PDZRN4: variants seen among roughly 807,000 people sequenced by gnomAD.
PDZRN4 encodes the protein PDZ domain containing ring finger 4, also known as PDZ domain-containing RING finger protein 4.
A neutral mutation model predicts 99.0 loss-of-function variants in PDZRN4; 70 were observed. The observed-to-expected ratio is 0.71, with a 90% CI of 0.58 to 0.86. PDZRN4 has a LOEUF of 0.86. Among genes scored for constraint, PDZRN4 ranks in the 40% least tolerant of loss-of-function variants. The pLI is 0.00. For missense variants in PDZRN4, 1,474 were observed against 1,331.2 expected, an observed-to-expected ratio of 1.11 and a Z score of -1.67; for synonymous variants, 551 against 501.6, an observed-to-expected ratio of 1.10 and a Z score of -1.32.
chr12:41,330,851 A>G lies in PDZRN4; in HGVS notation c.843+136663A>G, dbSNP rs150874011. Among the ~76,000 whole-genome samples, 97 of 152,238 alleles carry G rather than the reference A, an allele frequency of 6.4e-4. 2 individuals carry two copies. In the East Asian group the frequency reaches 0.016, roughly 25 times the overall value. The stretch of plus-strand genomic sequence containing the variant: ...ATATGCATGACTTTGTATGCATTCA[A>G]TGCAATAATCTTTCAAGAAATCACC... On this transcript the variant is annotated intron_variant, in intron 3 of 9. Transcript: ENST00000402685.
intron 3 of PDZRN4, among the ~76,000 whole-genome samples, chr12:41,464,820 CT>C (rs5797739): frequency 0.035 from 3,709 of 104,750 alleles, 63 homozygotes; most frequent in Middle Eastern, 0.11. Context: ...GCCTGTTGTA[CT>C]TTTTTTTTTT....
Position 41,188,339 on chromosome 12 carries a change from A to T in PDZRN4, c.-117A>T. On this transcript the variant is annotated 5_prime_UTR_variant, in exon 1 of 10. Transcript: ENST00000402685. The stretch of plus-strand genomic sequence containing the variant: ...AGTGAGATCACACCTCCCACCCGCC[A>T]CCTCCCTCCACTGCCGCCGCCGCGA... 2.2e-6 allele frequency: 2 copies of T among 928,652 alleles called. No individual in the cohort carries two copies. The highest frequency in any genetic ancestry group is 3.1e-6 in the Non-Finnish European group (2 of 644,186). 57.5% of individuals were successfully genotyped at this position (928,652 alleles called of 1,614,324 possible). A position where few individuals can be genotyped will look rare whatever the true frequency, so the allele number is the denominator to read the frequency against.
chr12:41,487,281 G>A (rs377252840), intron 3 of PDZRN4, among the ~76,000 whole-genome samples: 72 of 151,546 alleles, frequency 4.8e-4, no homozygotes, highest in South Asian at 2.7e-3. Context: ...TGATGAAAAC[G>A]GAAGGGAAAA....
chr12:41,354,489 A>G (rs1416567804), intron 3 of PDZRN4, among the ~76,000 whole-genome samples: 1 of 148,556 alleles, frequency 6.7e-6, no homozygotes, highest in African/African-American at 2.5e-5. Context: ...TTGGAAAGTG[A>G]AAAAAAAAAG....
chr12:41,218,247 T>G (rs1325615714), intron 3 of PDZRN4, among the ~76,000 whole-genome samples: 1 of 152,150 alleles, frequency 6.6e-6, no homozygotes, highest in Non-Finnish European at 1.5e-5. Flanking sequence ...ATTGCTTTAC[T>G]TCATTTTCAC....
intron 3 of PDZRN4, among the ~76,000 whole-genome samples, chr12:41,240,760 A>T (rs2120781819): frequency 6.6e-6 from 1 of 152,096 alleles, no homozygotes; most frequent in African/African-American, 2.4e-5. Flanking sequence ...GGGCCAGCTA[A>T]CTCTCTGGGA....
chr12:41,200,743 T>G (rs76038626), intron 3 of PDZRN4, among the ~76,000 whole-genome samples: 2,270 of 152,190 alleles, frequency 0.015, 59 homozygotes, highest in African/African-American at 0.052. Context: ...AACATACTGG[T>G]TTTTGCCCTT....
intron 3 of PDZRN4, among the ~76,000 whole-genome samples, chr12:41,422,251 C>T (rs1159390991): frequency 3.3e-5 from 5 of 152,116 alleles, no homozygotes; most frequent in African/African-American, 1.2e-4. Context: ...CTTCATATTA[C>T]TAACTAATAT....
At chr12:41,427,823 C>A (rs776142054) in intron 3 of PDZRN4, among the ~76,000 whole-genome samples, 7 of 152,188 alleles carry the variant, frequency 4.6e-5, no homozygotes, top group Middle Eastern at 3.4e-3. Flanking sequence ...GACCACCTGG[C>A]GCAGACCTGT....
intron 3 of PDZRN4, among the ~76,000 whole-genome samples, chr12:41,439,688 T>C (rs1206704716): frequency 4.6e-5 from 7 of 152,192 alleles, no homozygotes; most frequent in Admixed American, 3.9e-4. Context: ...AGATAAGCCA[T>C]GCTCTTTATT....
At chr12:41,496,932 A>C (rs1057103769) in intron 3 of PDZRN4, among the ~76,000 whole-genome samples, 2 of 152,158 alleles carry the variant, frequency 1.3e-5, no homozygotes, top group African/African-American at 4.8e-5. Flanking sequence ...TGTTGCTCTC[A>C]TAGATAGGGT....
intron 3 of PDZRN4, among the ~76,000 whole-genome samples, chr12:41,366,924 A>G (rs1005652472): frequency 6.6e-6 from 1 of 152,068 alleles, no homozygotes; most frequent in African/African-American, 2.4e-5. Context: ...GCTACAATGC[A>G]GTTGGGGGAT....
At chr12:41,324,442 C>T (rs952489280) in intron 3 of PDZRN4, among the ~76,000 whole-genome samples, 1 of 152,000 alleles carries the variant, frequency 6.6e-6, no homozygotes, top group Non-Finnish European at 1.5e-5. Flanking sequence ...AGAAATTATA[C>T]AATTTATATG....
At chr12:41,289,192 A>G (rs1406808748) in intron 3 of PDZRN4, among the ~76,000 whole-genome samples, 1 of 152,182 alleles carries the variant, frequency 6.6e-6, no homozygotes, top group African/African-American at 2.4e-5. Flanking sequence ...CTAAGTATCC[A>G]TATATTAAGT....
chr12:41,202,758 G>T (rs1048024126), intron 3 of PDZRN4, among the ~76,000 whole-genome samples: 2 of 152,014 alleles, frequency 1.3e-5, no homozygotes, highest in Non-Finnish European at 2.9e-5. Flanking sequence ...TGCTGTAAAA[G>T]TAGAGCAATA....
Position 41,527,792 on chromosome 12 carries a change from T to A in PDZRN4, c.1203+17879T>A, listed in dbSNP as rs138902042. 4.4e-3 allele frequency among the ~76,000 whole-genome samples: 667 copies of A among 152,282 alleles called. 6 individuals are homozygous for A. Among genetic ancestry groups the A allele is most frequent in the African/African-American group, 0.015 (627 of 41,562 alleles). On this transcript the variant is annotated intron_variant, in intron 5 of 9. Transcript: ENST00000402685. ...TGAGACGACAGTGGGGAATGCAGGC[T>A]TATTTGTAACGGCACAGCTGCCAGC... is the stretch of plus-strand genomic sequence containing the variant.
chr12:41,368,770 G>T (rs1952019925), intron 3 of PDZRN4, among the ~76,000 whole-genome samples: 1 of 152,060 alleles, frequency 6.6e-6, no homozygotes, highest in Admixed American at 6.6e-5. Flanking sequence ...CCATTAAGGT[G>T]CTCCTGTATA....
At chr12:41,413,903 A>G (rs951598531) in intron 3 of PDZRN4, among the ~76,000 whole-genome samples, 2 of 152,174 alleles carry the variant, frequency 1.3e-5, no homozygotes, top group Non-Finnish European at 1.5e-5. Context: ...GTTATTTTAA[A>G]GAATCTGTGG....
At chr12:41,499,608 A>G (rs966364003) in intron 3 of PDZRN4, among the ~76,000 whole-genome samples, 1 of 152,096 alleles carries the variant, frequency 6.6e-6, no homozygotes, top group Non-Finnish European at 1.5e-5. Flanking sequence ...GACAAGGAAA[A>G]GATAATGAAA....
Sources: gnomAD v4.1 joint callset for allele counts (sites outside exome capture counted in the v4.1 genomes callset) on GRCh38, gnomAD v4.1.1 for gene constraint, MANE v1.5 for transcripts, NCBI Gene and HGNC (gene_info 2026-07-23, HGNC 2026-07-21) for gene names.